KCNC2: variants seen among roughly 807,000 people sequenced by gnomAD.
The protein encoded by KCNC2 is voltage-gated potassium channel KCNC2.
In KCNC2, 21 loss-of-function variants were observed where a neutral mutation model predicts 44.5. The observed-to-expected ratio is 0.47, with a 90% CI of 0.33 to 0.68. The LOEUF is 0.68. Ranked by LOEUF, KCNC2 falls within the 30% of genes least tolerant of loss-of-function variation. The probability of loss-of-function intolerance (pLI) is 0.01; values close to 1 mark genes in which losing one functional copy is unlikely to be tolerated. For synonymous variants in KCNC2, 391 were observed against 339.1 expected (o/e 1.15, Z -1.68); for missense variants, 589 against 826.2 (o/e 0.71, Z 3.52).
intron 2 of KCNC2, among the ~76,000 whole-genome samples, chr12:75,083,832 C>T (rs1327425329): frequency 1.3e-5 from 2 of 151,734 alleles, no homozygotes; most frequent in African/African-American, 4.8e-5. Context: ...TTTCTTACTC[C>T]TTTATAAAGA....
At chr12:75,077,377 A>G (rs2137063928) in intron 2 of KCNC2, among the ~76,000 whole-genome samples, 1 of 152,336 alleles carries the variant, frequency 6.6e-6, no homozygotes, top group South Asian at 2.1e-4. Context: ...GACTCATACA[A>G]TAATTACGTT....
chr12:75,170,282 T>G (rs1428714958), intron 2 of KCNC2, among the ~76,000 whole-genome samples: 1 of 151,682 alleles, frequency 6.6e-6, no homozygotes, highest in African/African-American at 2.4e-5. Flanking sequence ...AGTAAGTGAT[T>G]TGCTCAGGGC....
At chr12:75,120,179 C>T (rs531192660) in intron 2 of KCNC2, among the ~76,000 whole-genome samples, 6 of 152,318 alleles carry the variant, frequency 3.9e-5, no homozygotes, top group Admixed American at 2.6e-4. Flanking sequence ...TAGAACAACA[C>T]GTTTTCCATT....
chr12:75,207,412 C>T lies in KCNC2; in HGVS notation c.572G>A (p.Gly191Asp), dbSNP rs1199794631. Residue 191 changes from glycine to aspartate, a missense_variant, in exon 2 of 5, where the codon GGC (glycine) becomes GAC (aspartate). By Grantham distance (94) the Gly-to-Asp change is moderately conservative. This residue lies in a region of KCNC2 where 97 missense variants were observed against 73.3 expected (regional missense o/e 1.32). Transcript: ENST00000549446. The surrounding 1 kb of genome is among the most constrained non-coding windows in gnomAD (Gnocchi z 4.1). ...DDEDLAAKRL[G>D]IEDAAGLGGP... ...CCCGAGCCCCGCCGCGTCCTCGATG[C>T]CCAGCCTCTTGGCCGCCAGGTCCTC... 2.5e-6 allele frequency: 4 copies of T among 1,601,450 alleles called. No homozygotes were observed. The highest frequency in any genetic ancestry group is 1.8e-4 in the Middle Eastern group (1 of 5,704).
chr12:75,187,988 C>T (rs1283502217), intron 2 of KCNC2, among the ~76,000 whole-genome samples: 2 of 152,084 alleles, frequency 1.3e-5, no homozygotes, highest in Non-Finnish European at 2.9e-5. Flanking sequence ...TATCAACATG[C>T]AAACAATAGA....
chr12:75,131,965 A>G (rs1364832185), intron 2 of KCNC2, among the ~76,000 whole-genome samples: 1 of 152,156 alleles, frequency 6.6e-6, no homozygotes. Flanking sequence ...AACCACGAAG[A>G]TTGTGTTAAT....
At chr12:75,157,796 T>C (rs368142613) in intron 2 of KCNC2, among the ~76,000 whole-genome samples, 249 of 152,052 alleles carry the variant, frequency 1.6e-3, no homozygotes, top group South Asian at 8.5e-3. Context: ...GCATCTCTGA[T>C]CTAGGAGCTT....
chr12:75,152,684 G>A (rs1890487017), intron 2 of KCNC2, among the ~76,000 whole-genome samples: 1 of 151,928 alleles, frequency 6.6e-6, no homozygotes, highest in South Asian at 2.1e-4. Context: ...TGTTCATTTA[G>A]GGTGGGAAGT....
chr12:75,088,465 C>T (rs767358489), intron 2 of KCNC2, among the ~76,000 whole-genome samples: 9 of 151,938 alleles, frequency 5.9e-5, no homozygotes, highest in African/African-American at 1.7e-4. Flanking sequence ...TAATCAAAAC[C>T]TCTATTCTTT....
At chr12:75,138,959 C>A (rs1889431363) in intron 2 of KCNC2, among the ~76,000 whole-genome samples, 1 of 119,728 alleles carries the variant, frequency 8.4e-6, no homozygotes, top group South Asian at 2.6e-4. Context: ...CCTGCCTGGG[C>A]CACAGAGCGA....
rs145243433 is a variant in KCNC2 at position 75,143,599 on chromosome 12, C to G, written c.687+63698G>C. Among the ~76,000 whole-genome samples, 112 of 152,234 alleles carry G rather than the reference C, an allele frequency of 7.4e-4. No individual in the cohort carries two copies. The East Asian group carries it at 0.018, about 24-fold the overall frequency. Reference sequence around the variant, plus strand: ...AACAGGCTCTGTCCTTGATCTTGAGCTCTCCTTAACATTCATCTAATCAAA... The same window carrying G: ...AACAGGCTCTGTCCTTGATCTTGAGGTCTCCTTAACATTCATCTAATCAAA... On this transcript the variant is annotated intron_variant, in intron 2 of 4. Coordinates refer to ENST00000549446, the MANE Select transcript of KCNC2 (RefSeq NM_139137.4).
chr12:75,168,040 A>T (rs1422501375), intron 2 of KCNC2, among the ~76,000 whole-genome samples: 2 of 151,382 alleles, frequency 1.3e-5, no homozygotes, highest in African/African-American at 4.8e-5. Flanking sequence ...ATATCCAAGT[A>T]ATTTGGAATT....
chr12:75,181,529 G>A (rs1283112107), intron 2 of KCNC2, among the ~76,000 whole-genome samples: 1 of 152,070 alleles, frequency 6.6e-6, no homozygotes, highest in East Asian at 1.9e-4. Flanking sequence ...TTCCCTAATG[G>A]ACAGTGTCTA....
rs977935369 is a variant in KCNC2, at chr12:75,142,272, A to C, written c.687+65025T>G. Among the ~76,000 whole-genome samples, 18 of 152,216 alleles carry C rather than the reference A, an allele frequency of 1.2e-4. 1 individual carries two copies. The highest frequency in any genetic ancestry group is 9.6e-4 in the East Asian group (5 of 5,182). On this transcript the variant is annotated intron_variant, in intron 2 of 4. Transcript: ENST00000549446. ...GATTAAAAACAAACAAAACAAAGAG[A>C]TAAGACAATTGTGGTCCCAGAAAGC... is the stretch of plus-strand genomic sequence containing the variant.
intron 2 of KCNC2, among the ~76,000 whole-genome samples, chr12:75,163,892 G>A (rs1324603335): frequency 1.3e-5 from 2 of 151,654 alleles, no homozygotes; most frequent in African/African-American, 4.8e-5. Flanking sequence ...AAACTGCCAT[G>A]AGACTTGCTG....
At chr12:75,080,607 T>C (rs187404142) in intron 2 of KCNC2, among the ~76,000 whole-genome samples, 1 of 152,206 alleles carries the variant, frequency 6.6e-6, no homozygotes, top group Admixed American at 6.6e-5. Context: ...TTGTACCAAA[T>C]GACAAGTAGC....
intron 2 of KCNC2, among the ~76,000 whole-genome samples, chr12:75,111,326 TTTAAG>T (rs1216338417): frequency 7.3e-5 from 11 of 151,700 alleles, no homozygotes; most frequent in Admixed American, 7.2e-4. Context: ...GTTTTTCTAT[TTTAAG>T]TTTTCTATTT....
chr12:75,102,485 T>A (rs184361955), intron 2 of KCNC2, among the ~76,000 whole-genome samples: 179 of 152,166 alleles, frequency 1.2e-3, no homozygotes, highest in African/African-American at 4.0e-3. Flanking sequence ...GTGGCCAAGA[T>A]GACCCTCAAT....
intron 2 of KCNC2, among the ~76,000 whole-genome samples, chr12:75,182,507 C>A (rs1237721821): frequency 2.6e-4 from 32 of 121,274 alleles, no homozygotes; most frequent in African/African-American, 1.0e-3. Context: ...GGCGACAGAG[C>A]GAGATTCCGT....
Sources: gnomAD v4.1 joint callset for allele counts (sites outside exome capture counted in the v4.1 genomes callset) on GRCh38, gnomAD v4.1.1 for gene constraint, gnomAD v4.1.1 regional missense constraint, Gnocchi (gnomAD v3.1) non-coding constraint, MANE v1.5 for transcripts, NCBI Gene and HGNC (gene_info 2026-07-23, HGNC 2026-07-21) for gene names.